Variants in C12orf42 observed in about 807,000 individuals in gnomAD.
C12orf42 encodes uncharacterized protein C12orf42.
A neutral mutation model predicts 21.6 loss-of-function variants in C12orf42; 25 were observed. The ratio of observed to expected loss-of-function variants is 1.16; its 90% CI spans 0.84 to 1.62. C12orf42 has a LOEUF of 1.62. C12orf42 is among the 40% of genes most tolerant of loss of function. The probability of loss-of-function intolerance (pLI) is 0.00; values close to 1 mark genes in which losing one functional copy is unlikely to be tolerated. For missense variants in C12orf42, 483 were observed against 459.3 expected (o/e 1.05, Z -0.47); for synonymous variants, 174 against 175.0 (o/e 0.99, Z 0.05).
the C12orf42 span, among the ~76,000 whole-genome samples, chr12:103,199,047 C>T: frequency 2.0e-4 from 30 of 152,266 alleles, no homozygotes; most frequent in African/African-American, 7.0e-4. Flanking sequence ...CATCACACTA[C>T]CTGATTTCAA....
chr12:103,551,105 T>A, the C12orf42 span, among the ~76,000 whole-genome samples: 2 of 152,160 alleles, frequency 1.3e-5, no homozygotes, highest in African/African-American at 4.8e-5. Flanking sequence ...ATAGCTTCAC[T>A]TTTTCCTGAA....
At chr12:103,431,898 G>A (rs1056988452) in intron 2 of C12orf42, among the ~76,000 whole-genome samples, 18 of 152,212 alleles carry the variant, frequency 1.2e-4, no homozygotes, top group Admixed American at 7.2e-4. Context: ...GAGAGAAAGA[G>A]GCAGGCTTTA....
the C12orf42 span, among the ~76,000 whole-genome samples, chr12:103,177,845 G>T: frequency 7.4e-6 from 1 of 135,094 alleles, no homozygotes; most frequent in Non-Finnish European, 1.6e-5. Flanking sequence ...TTTAATGGCC[G>T]TGTGTGTGTG....
At chr12:103,458,231 A>C (rs1952445504) in intron 2 of C12orf42, among the ~76,000 whole-genome samples, 6 of 152,224 alleles carry the variant, frequency 3.9e-5, no homozygotes, top group Admixed American at 3.9e-4. Context: ...CACATAAAGA[A>C]GACGTTGGGG....
the C12orf42 span, among the ~76,000 whole-genome samples, chr12:103,154,062 AAAG>A: frequency 6.8e-6 from 1 of 147,104 alleles, no homozygotes. Context: ...AATGTGGAGG[AAAG>A]AAGCCAGACC....
the C12orf42 span, among the ~76,000 whole-genome samples, chr12:103,226,140 G>A: frequency 1.3e-5 from 2 of 152,238 alleles, no homozygotes; most frequent in African/African-American, 2.4e-5. Context: ...TCCAGCACTT[G>A]TAGCAAGCTC....
chr12:103,256,955 G>A (rs2034646763), intron 10 of C12orf42, among the ~76,000 whole-genome samples: 1 of 152,088 alleles, frequency 6.6e-6, no homozygotes, highest in Non-Finnish European at 1.5e-5. Context: ...TATTCTGACT[G>A]TGTGAGATAG....
At chr12:103,309,576 C>G (rs1448149860) in intron 4 of C12orf42, among the ~76,000 whole-genome samples, 1 of 152,000 alleles carries the variant, frequency 6.6e-6, no homozygotes, top group Non-Finnish European at 1.5e-5. Context: ...CTAACCTCTG[C>G]CTTGTTCAAA....
chr12:103,353,712 T>A (rs2043289996), intron 4 of C12orf42, among the ~76,000 whole-genome samples: 1 of 152,160 alleles, frequency 6.6e-6, no homozygotes, highest in African/African-American at 2.4e-5. Context: ...TGTCAACCCA[T>A]GAAAAGTGGT....
At chr12:103,325,075 G>A (rs779314580) in intron 4 of C12orf42, among the ~76,000 whole-genome samples, 8 of 152,188 alleles carry the variant, frequency 5.3e-5, no homozygotes, top group Admixed American at 1.3e-4. Flanking sequence ...AACAGTTGGC[G>A]CCTGTGTTGG....
the C12orf42 span, among the ~76,000 whole-genome samples, chr12:103,184,083 T>G: frequency 3.9e-5 from 6 of 152,256 alleles, no homozygotes; most frequent in African/African-American, 1.4e-4. Flanking sequence ...ATTATGTTGT[T>G]TAGAGCTTCT....
At chr12:103,216,361 C>T in the C12orf42 span, among the ~76,000 whole-genome samples, 1 of 151,328 alleles carries the variant, frequency 6.6e-6, no homozygotes, top group African/African-American at 2.4e-5. Flanking sequence ...TGGTGGAGAA[C>T]AATACTTTTT....
intron 1 of C12orf42, among the ~76,000 whole-genome samples, chr12:103,482,433 C>T (rs1954537964): frequency 6.6e-6 from 1 of 152,068 alleles, no homozygotes; most frequent in South Asian, 2.1e-4. Flanking sequence ...GTTGCCAATG[C>T]CTATTCTCTA....
At chr12:103,360,833 G>A (rs947800219) in intron 4 of C12orf42, among the ~76,000 whole-genome samples, 2 of 152,048 alleles carry the variant, frequency 1.3e-5, no homozygotes, top group African/African-American at 4.8e-5. Context: ...CCCTTTGGGG[G>A]AATCACTAAT....
At chr12:103,071,789 G>C in the C12orf42 span, among the ~76,000 whole-genome samples, 1 of 152,106 alleles carries the variant, frequency 6.6e-6, no homozygotes, top group African/African-American at 2.4e-5. Flanking sequence ...AAATTACTCA[G>C]TCTTGACTAT....
At chr12:103,494,566 A>C (rs1360996072) in intron 1 of C12orf42, among the ~76,000 whole-genome samples, 1 of 152,104 alleles carries the variant, frequency 6.6e-6, no homozygotes, top group East Asian at 1.9e-4. Flanking sequence ...TAAAAAAAAA[A>C]CCACTATCTG....
At chr12:103,205,796 T>C in the C12orf42 span, among the ~76,000 whole-genome samples, 1 of 152,198 alleles carries the variant, frequency 6.6e-6, no homozygotes, top group Non-Finnish European at 1.5e-5. Flanking sequence ...TGAAAATGAA[T>C]GTGTATTACA....
intron 10 of C12orf42, among the ~76,000 whole-genome samples, chr12:103,259,422 G>A (rs768411922): frequency 2.6e-5 from 4 of 152,114 alleles, no homozygotes; most frequent in African/African-American, 7.2e-5. Context: ...GGTATTACAG[G>A]TGCCCATGAC....
Position 103,358,429 on chromosome 12 carries a change from C to A in C12orf42, c.259+10458G>T, listed in dbSNP as rs1006150165. 2.6e-5 allele frequency among the ~76,000 whole-genome samples: 4 copies of A among 152,106 alleles called. No individual in the cohort carries two copies. In the East Asian group the frequency reaches 5.8e-4, roughly 22 times the overall value. ...GAATAAGCCATTTCAGGAGTAAGAG[C>A]AATTCATCCAAGTTAATCAAGATAG... On this transcript the variant is annotated intron_variant, in intron 4 of 5. Coordinates refer to ENST00000548883, the MANE Select transcript of C12orf42 (RefSeq NM_198521.5).
Sources: gnomAD v4.1 joint callset for allele counts (sites outside exome capture counted in the v4.1 genomes callset) on GRCh38, gnomAD v4.1.1 for gene constraint, MANE v1.5 for transcripts, NCBI Gene and HGNC (gene_info 2026-07-23, HGNC 2026-07-21) for gene names.